The following AQP11 variants were observed in gnomAD, a reference collection of about 807,000 sequenced individuals.
AQP11 encodes the protein aquaporin-11.
A neutral mutation model predicts 21.1 loss-of-function variants in AQP11; 20 were observed. The observed-to-expected ratio is 0.95, with a 90% CI of 0.67 to 1.38. AQP11 has a LOEUF of 1.38. Ranked by LOEUF, AQP11 falls within the 40% of genes most tolerant of loss-of-function variation. The pLI, the probability that AQP11 is intolerant of heterozygous loss-of-function variation, is 0.00. For synonymous variants in AQP11, 167 were observed against 150.1 expected, an observed-to-expected ratio of 1.11 and a Z score of -0.82; for missense variants, 339 against 340.4, an observed-to-expected ratio of 1.00 and a Z score of 0.03.
At chr11:77,596,909 C>T (rs1176467505) in intron 1 of AQP11, among the ~76,000 whole-genome samples, 1 of 151,402 alleles carries the variant, frequency 6.6e-6, no homozygotes, top group Non-Finnish European at 1.5e-5. Flanking sequence ...TTATTTTGGG[C>T]CTCACTTTCC....
chr11:77,603,503 A>C, intron 1 of AQP11, 53 bp from the exon 2 acceptor site: 1 of 1,237,926 alleles, frequency 8.1e-7, no homozygotes. Context: ...TTCCAGTTAC[A>C]AGGAAATGGA....
chr11:77,590,554 C>G lies in AQP11; in HGVS notation c.562C>G (p.Arg188Gly). 6.2e-7 allele frequency: 1 copy of G among 1,614,152 alleles called. No homozygotes were observed. The highest frequency in any genetic ancestry group is 8.5e-7 in the Non-Finnish European group (1 of 1,180,018). Reference protein sequence around the residue: ...HSALLHFQEVRTKLRIHLLAA... With the variant: ...HSALLHFQEVGTKLRIHLLAA... ...CGCTCTGCTGCACTTCCAGGAAGTC[C>G]GAACCAAGCTTCGTATCCACCTGCT... The change falls in exon 1 of 3, where the codon CGA becomes GGA. Residue 188 changes from arginine to glycine, a missense_variant. Transcript: ENST00000313578.
At chr11:77,598,120 C>T (rs1958794392) in intron 1 of AQP11, among the ~76,000 whole-genome samples, 3 of 152,170 alleles carry the variant, frequency 2.0e-5, no homozygotes, top group African/African-American at 7.2e-5. Context: ...GCTTTGCTTA[C>T]GTGCTCATTA....
intron 1 of AQP11, chr11:77,590,857 G>C: frequency 1.0e-6 from 1 of 985,432 alleles, no homozygotes. Flanking sequence ...GATACTGTGA[G>C]ATATTGCCAA....
At chr11:77,594,243 A>C (rs1456723602) in intron 1 of AQP11, among the ~76,000 whole-genome samples, 1 of 152,240 alleles carries the variant, frequency 6.6e-6, no homozygotes, top group African/African-American at 2.4e-5. Flanking sequence ...AATTTATACA[A>C]TTTTTAAGTT....
At chr11:77,609,157 C>A in intron 2 of AQP11, 141 bp from the exon 3 acceptor site, 1 of 538,926 alleles carries the variant, frequency 1.9e-6, no homozygotes, top group Non-Finnish European at 3.3e-6. Context: ...ACATGTTTCA[C>A]GTAGAATTGA....
Position 77,598,294 on chromosome 11 carries a change from A to C in AQP11, c.620-5262A>C, listed in dbSNP as rs774190817. Among the ~76,000 whole-genome samples the C allele has an allele frequency of 1.1e-4, 17 of 152,294 alleles. No individual in the cohort carries two copies. The Middle Eastern group carries it at 0.01, about 91-fold the overall frequency. ...TTTTATTCCCTTTAGGAATATTGAG[A>C]AACTTTAGTGCCTAAAATTGCCAGA... is the stretch of plus-strand genomic sequence containing the variant. On this transcript the variant is annotated intron_variant, in intron 1 of 2. Transcript: ENST00000313578.
At chr11:77,591,161 A>G in intron 1 of AQP11, 1 of 956,854 alleles carries the variant, frequency 1.0e-6, no homozygotes, top group Non-Finnish European at 1.2e-6. Flanking sequence ...TTTCCTTAAT[A>G]ATTCATTTTG....
At chr11:77,591,640 T>A (rs1470448680) in intron 1 of AQP11, among the ~76,000 whole-genome samples, 2 of 147,688 alleles carry the variant, frequency 1.4e-5, no homozygotes, top group Admixed American at 6.7e-5. Context: ...GAGACCGAGG[T>A]GGGTGGATCA....
At chr11:77,600,654 A>G (rs1958810130) in intron 1 of AQP11, among the ~76,000 whole-genome samples, 1 of 152,196 alleles carries the variant, frequency 6.6e-6, no homozygotes, top group Non-Finnish European at 1.5e-5. Context: ...GTAATAGTAA[A>G]TTTGTTTAGG....
At chr11:77,593,849 A>G (rs1349520079) in intron 1 of AQP11, among the ~76,000 whole-genome samples, 1 of 152,222 alleles carries the variant, frequency 6.6e-6, no homozygotes, top group Non-Finnish European at 1.5e-5. Flanking sequence ...AAAGTTAACA[A>G]AACTATACAC....
chr11:77,596,537 A>ATATATATATATATATATATATAT (rs1958782852), intron 1 of AQP11, among the ~76,000 whole-genome samples: 3 of 86,572 alleles, frequency 3.5e-5, no homozygotes, highest in Non-Finnish European at 6.9e-5. Flanking sequence ...TATATATGTA[A>ATATATATATATATATATATATAT]ATATATATAT....
chr11:77,608,897 C>T (rs554500089), intron 2 of AQP11, among the ~76,000 whole-genome samples: 41 of 152,150 alleles, frequency 2.7e-4, no homozygotes, highest in Non-Finnish European at 4.1e-4. Flanking sequence ...CCCTGGGGCA[C>T]GGAGGAAAAG....
chr11:77,592,541 C>T (rs562954566), intron 1 of AQP11, among the ~76,000 whole-genome samples: 1 of 152,330 alleles, frequency 6.6e-6, no homozygotes, highest in East Asian at 1.9e-4. Flanking sequence ...CCTCTTCCCT[C>T]TCTTGATTAA....
At chr11:77,592,885 G>A (rs1958757181) in intron 1 of AQP11, among the ~76,000 whole-genome samples, 2 of 152,134 alleles carry the variant, frequency 1.3e-5, no homozygotes, top group African/African-American at 4.8e-5. Context: ...CTTGTTCTGG[G>A]CCCACAGATT....
At chr11:77,590,642 T>C in intron 1 of AQP11, 31 bp downstream of exon 1, 1 of 1,590,248 alleles carries the variant, frequency 6.3e-7, no homozygotes, top group Non-Finnish European at 8.6e-7. Context: ...ACTTGGCACT[T>C]CCAGAGCCTC....
rs545897258 is a variant in AQP11, at chr11:77,607,706, T to A, written c.737-1592T>A. On this transcript the variant is annotated intron_variant, in intron 2 of 2. Coordinates refer to ENST00000313578, the MANE Select transcript of AQP11 (RefSeq NM_173039.3). ...TGAGCCCAGGAAGTCGAGGCTGCAG[T>A]GAGCCGAGATCGTACCACTGCACTC... Among the ~76,000 whole-genome samples the A allele has an allele frequency of 2.0e-5, 3 of 149,492 alleles. No homozygotes were observed. In the South Asian group the frequency reaches 6.3e-4, roughly 32 times the overall value.
chr11:77,590,699 T>C (rs1476231117), intron 1 of AQP11, 88 bp downstream of exon 1: 1 of 1,516,730 alleles, frequency 6.6e-7, no homozygotes, highest in Non-Finnish European at 8.8e-7. Flanking sequence ...TTTGAAACCG[T>C]CTATCCCGCT....
chr11:77,601,269 T>C (rs1958814060), intron 1 of AQP11, among the ~76,000 whole-genome samples: 1 of 152,154 alleles, frequency 6.6e-6, no homozygotes, highest in African/African-American at 2.4e-5. Context: ...TTTTTAGTTT[T>C]TGTTAACACA....
Sources: allele counts gnomAD v4.1 joint callset (sites outside exome capture counted in the v4.1 genomes callset), GRCh38; gene constraint gnomAD v4.1.1; transcripts MANE v1.5; gene names NCBI Gene and HGNC (gene_info 2026-07-23, HGNC 2026-07-21).